TNRC18: variants seen among roughly 807,000 people sequenced by gnomAD.
The protein encoded by TNRC18 is trinucleotide repeat-containing gene 18 protein.
Under a neutral mutation model 226.7 loss-of-function variants are expected in TNRC18, and 69 were observed. The ratio of observed to expected loss-of-function variants is 0.30; its 90% confidence interval spans 0.25 to 0.37. TNRC18 has a LOEUF of 0.37. TNRC18 is among the 10% of genes least tolerant of loss of function. The probability of loss-of-function intolerance (pLI) is 1.00; values close to 1 mark genes in which losing one functional copy is unlikely to be tolerated. For synonymous variants in TNRC18, 2,449 were observed against 1,927.6 expected, an observed-to-expected ratio of 1.27 and a Z score of -7.09; for missense variants, 4,754 against 4,256.6, an observed-to-expected ratio of 1.12 and a Z score of -3.25.
chr7:5,325,262 C>T lies in TNRC18; in HGVS notation c.6148-14G>A, dbSNP rs1211696105. 6 of 1,548,038 alleles carry T rather than the reference C, an allele frequency of 3.9e-6. No individual in the cohort carries two copies. The highest frequency in any genetic ancestry group is 5.2e-6 in the Non-Finnish European group (6 of 1,153,140). ...CCCTTTCTTCTTCTGGAGGAGGAAGCAGCAGAGAGGAGCCATCAAACGGCA... is the reference window on the plus strand; with the variant it reads ...CCCTTTCTTCTTCTGGAGGAGGAAGTAGCAGAGAGGAGCCATCAAACGGCA... On this transcript the variant is annotated splice_polypyrimidine_tract_variant and intron_variant, in intron 19 of 29. Transcript: ENST00000430969.
rs747506997 is a variant in TNRC18 at position 5,388,016 on chromosome 7, C to A, written c.1808G>T (p.Arg603Leu). The A allele has an allele frequency of 1.3e-6, 2 of 1,576,190 alleles. No homozygotes were observed. Among genetic ancestry groups the A allele is most frequent in the South Asian group, 1.2e-5 (1 of 86,562 alleles). Residue 603 changes from arginine (R) to leucine (L), a missense_variant, in exon 5 of 30, where the codon CGC (arginine) becomes CTC (leucine). By Grantham distance (102) the Arg-to-Leu change is moderately radical. Transcript: ENST00000430969. The stretch of plus-strand genomic sequence containing the variant: ...GCTCTTCTTGCCACAGCCACCAGGG[C>A]GCACGGCCACGGCGTCCCGGGCAAA... ...GSFARDAVAV[R>L]PGGCGKKSPF... is the part of the protein sequence containing the mutation.
intron 18 of TNRC18, among the ~76,000 whole-genome samples, chr7:5,337,016 G>A (rs1790184101): frequency 6.6e-6 from 1 of 152,138 alleles, no homozygotes; most frequent in African/African-American, 2.4e-5. Context: ...ACAGAAACTT[G>A]CAGATGTTGG....
intron 17 of TNRC18, 156 bp downstream of exon 17, chr7:5,351,663 C>G: frequency 1.3e-6 from 1 of 764,196 alleles, no homozygotes; most frequent in Non-Finnish European, 2.1e-6. Context: ...GCAGGCTACG[C>G]TGCCAAGAAC....
In TNRC18 at chr7:5,377,510, G is replaced by T. The variant is rs751336706; in HGVS notation, c.2322C>A (p.Asn774Lys). The T allele has an allele frequency of 6.3e-6, 10 of 1,587,108 alleles. No individual in the cohort carries two copies. In the South Asian group the frequency reaches 1.2e-4, roughly 18 times the overall value. Residue 774 changes from asparagine to lysine, a missense_variant, in exon 7 of 30, where the codon AAC becomes AAA. Asn to Lys is a moderately conservative substitution (Grantham distance 94). Coordinates refer to ENST00000430969, the MANE Select transcript of TNRC18 (RefSeq NM_001080495.3). This position sits in a 1 kb window ranked among gnomAD's most constrained non-coding sequence, Gnocchi z 5.8. ...GGCCCCCCGTCACCATGAGGTTGGG[G>T]TTCAGGCCGTTAGGAGCACAGCTGG... The part of the protein sequence containing the change: ...HPTSCAPNGL[N>K]PNLMVTGGPA...
At chr7:5,402,572 G>A (rs763561928) in intron 2 of TNRC18, among the ~76,000 whole-genome samples, 17 of 151,498 alleles carry the variant, frequency 1.1e-4, no homozygotes, top group Non-Finnish European at 2.1e-4. Flanking sequence ...ATATTTATGC[G>A]GCTGGGCGCA....
chr7:5,388,843 C>A lies in TNRC18; in HGVS notation c.981G>T (p.Gly327=). The change falls in exon 5 of 30, where the codon GGG becomes GGT. Residue 327 remains glycine, a synonymous_variant. Coordinates refer to ENST00000430969, the MANE Select transcript of TNRC18 (RefSeq NM_001080495.3). ...LLRRTETLLP[G]PRPCPSPLPP... is the part of the protein sequence containing the mutation. ...GCAGCGGTGAGGGGCAGGGGCGCGG[C>A]CCAGGGAGCAGGGTCTCCGTGCGCC... The A allele has an allele frequency of 8.1e-7, 1 of 1,235,750 alleles. No homozygotes were observed. The highest frequency in any genetic ancestry group is 2.1e-5 in the South Asian group (1 of 47,688). 76.5% of individuals were successfully genotyped at this position (1,235,750 alleles called of 1,614,324 possible). A position where few individuals can be genotyped will look rare whatever the true frequency, so the allele number is the denominator to read the frequency against.
At position 5,361,647 on chromosome 7, in the gene TNRC18, C is replaced by G. The variant is rs888267670; in HGVS notation, c.4608G>C (p.Pro1536=). 6.4e-7 allele frequency: 1 copy of G among 1,555,674 alleles called. No individual in the cohort carries two copies. The highest frequency in any genetic ancestry group is 8.7e-7 in the Non-Finnish European group (1 of 1,151,694). ...PGRPRKRTHA[P]SALSPPRKRG... ...TCTTGCGGGGGGGCGACAGGGCGCT[C>G]GGGGCGTGGGTCCGTTTCCGCGGCC... is the stretch of plus-strand genomic sequence containing the variant. The change falls in exon 14 of 30, where the codon CCG becomes CCC. Residue 1536 remains proline, a synonymous_variant. Transcript: ENST00000430969.
chr7:5,420,755 G>C (rs992871694), intron 2 of TNRC18: 1 of 622,050 alleles, frequency 1.6e-6, no homozygotes, highest in African/African-American at 1.8e-5. Flanking sequence ...GAAAACTCCA[G>C]CCCAGGCTCG....
chr7:5,317,008 G>A (rs1338431785), intron 24 of TNRC18, among the ~76,000 whole-genome samples: 1 of 152,102 alleles, frequency 6.6e-6, no homozygotes, highest in African/African-American at 2.4e-5. Context: ...GCAGGGAGGA[G>A]GTTGGACAGG....
At position 5,321,000 on chromosome 7, in the gene TNRC18, G is replaced by A. The variant is rs1449350112; in HGVS notation, c.6560+73C>T. ...ACAGCCCAGAAAGGAGAAGCAGCCA[G>A]GCACAGAGGCGGCCGGGACACGGGG... On this transcript the variant is annotated intron_variant, in intron 22 of 29. Coordinates refer to ENST00000430969, the MANE Select transcript of TNRC18 (RefSeq NM_001080495.3). 6 of 1,102,826 alleles carry A rather than the reference G, an allele frequency of 5.4e-6. No homozygotes were observed. In the East Asian group the frequency reaches 1.6e-4, roughly 29 times the overall value. 68.3% of individuals were successfully genotyped at this position (1,102,826 alleles called of 1,614,324 possible).
chr7:5,372,861 A>T (rs1794296278), intron 10 of TNRC18, among the ~76,000 whole-genome samples: 1 of 152,122 alleles, frequency 6.6e-6, no homozygotes, highest in South Asian at 2.1e-4. Context: ...ATCTGTACAA[A>T]TATAAAAAAT....
Position 5,386,089 on chromosome 7 carries a change from C to T in TNRC18, c.2152+1583G>A, listed in dbSNP as rs200723594. Among the ~76,000 whole-genome samples the T allele has an allele frequency of 5.0e-4, 75 of 151,076 alleles. 2 individuals are homozygous for T. The highest frequency in any genetic ancestry group is 1.6e-3 in the African/African-American group (65 of 41,104). On this transcript the variant is annotated intron_variant, in intron 5 of 29. Coordinates refer to ENST00000430969, the MANE Select transcript of TNRC18 (RefSeq NM_001080495.3). ...ATCACTTGAGGTCAGGAGTTTGAGA[C>T]GAGCCTGGCCAATATGGTGAAACCC...
Position 5,359,628 on chromosome 7 carries a change from G to T in TNRC18, c.4662-59C>A. 4.4e-6 allele frequency: 7 copies of T among 1,603,332 alleles called. No individual in the cohort carries two copies. The South Asian group carries it at 7.7e-5, about 18-fold the overall frequency. ...GGCCAGACAAGGCTCGCAGGCTGAG[G>T]TCCACCCTCATGGCCCTGAAGGGTT... On this transcript the variant is annotated intron_variant, in intron 14 of 29. Transcript: ENST00000430969.
chr7:5,375,520 C>A (rs920832641), intron 9 of TNRC18, among the ~76,000 whole-genome samples: 1 of 152,200 alleles, frequency 6.6e-6, no homozygotes, highest in Non-Finnish European at 1.5e-5. Context: ...AAGATTCAGA[C>A]CCAGGGCTCA....
chr7:5,361,484 C>T, intron 14 of TNRC18, 110 bp downstream of exon 14: 1 of 1,325,310 alleles, frequency 7.5e-7, no homozygotes, highest in South Asian at 1.6e-5. Context: ...TAGGTCAGAG[C>T]CCGAGGGACG....
At chr7:5,357,500 C>T (rs1792569545) in intron 15 of TNRC18, among the ~76,000 whole-genome samples, 1 of 152,156 alleles carries the variant, frequency 6.6e-6, no homozygotes, top group African/African-American at 2.4e-5. Flanking sequence ...CAACCTCCAC[C>T]TCCCAGGTCC....
At chr7:5,341,987 G>A (rs941798784) in intron 18 of TNRC18, among the ~76,000 whole-genome samples, 10 of 152,168 alleles carry the variant, frequency 6.6e-5, no homozygotes, top group African/African-American at 1.2e-4. Context: ...CTAGCACGGC[G>A]CCCATTCTGC....
chr7:5,421,038 G>C (rs368797614), intron 2 of TNRC18, 22 bp downstream of exon 2: 5 of 1,533,380 alleles, frequency 3.3e-6, no homozygotes, highest in Admixed American at 2.0e-5. Flanking sequence ...AGGAGGGGAC[G>C]GGCACGGCGC....
At chr7:5,400,015 G>C (rs1780973562) in intron 2 of TNRC18, among the ~76,000 whole-genome samples, 1 of 152,130 alleles carries the variant, frequency 6.6e-6, no homozygotes, top group Non-Finnish European at 1.5e-5. Flanking sequence ...TTTGCCTCCT[G>C]AGTAGCTGGG....
Sources: allele counts gnomAD v4.1 joint callset (sites outside exome capture counted in the v4.1 genomes callset), GRCh38; gene constraint gnomAD v4.1.1; non-coding constraint Gnocchi (gnomAD v3.1); transcripts MANE v1.5; gene names NCBI Gene and HGNC (gene_info 2026-07-23, HGNC 2026-07-21).